P4HA1: variants seen among roughly 807,000 people sequenced by gnomAD.
P4HA1 encodes prolyl 4-hydroxylase subunit alpha 1.
P4HA1 carries 24 observed loss-of-function variants against 72.8 expected under a neutral mutation model. The observed-to-expected ratio is 0.33, with a 90% CI of 0.24 to 0.46. The LOEUF is 0.46. Ranked by LOEUF, P4HA1 falls within the 20% of genes least tolerant of loss-of-function variation. The pLI is 1.00. For missense variants in P4HA1, 446 were observed against 640.6 expected (o/e 0.70, Z 3.28); for synonymous variants, 201 against 218.8 (o/e 0.92, Z 0.72).
chr10:73,037,927 G>A (rs1203252407), intron 9 of P4HA1, among the ~76,000 whole-genome samples: 2 of 151,502 alleles, frequency 1.3e-5, no homozygotes, highest in East Asian at 1.9e-4. Context: ...TAGTAACAAG[G>A]GTAAACAAAA....
At chr10:73,046,747 A>G (rs917567653) in intron 8 of P4HA1, among the ~76,000 whole-genome samples, 178 bp downstream of exon 8, 4 of 152,208 alleles carry the variant, frequency 2.6e-5, no homozygotes, top group Admixed American at 2.6e-4. Context: ...ACTTGTGTTG[A>G]TAACAAATGG....
At chr10:73,086,312 G>A (rs1338483650) in intron 1 of P4HA1, among the ~76,000 whole-genome samples, 1 of 152,220 alleles carries the variant, frequency 6.6e-6, no homozygotes, top group East Asian at 1.9e-4. Flanking sequence ...ACAAAGTGTG[G>A]TCTATCCGTA....
chr10:73,096,007 G>A (rs980042709), intron 1 of P4HA1, among the ~76,000 whole-genome samples: 2 of 152,212 alleles, frequency 1.3e-5, no homozygotes, highest in Non-Finnish European at 2.9e-5. Context: ...CAAATTCTCG[G>A]CAGAGAGAGA....
chr10:73,016,240 G>A (rs1435872634), intron 11 of P4HA1, among the ~76,000 whole-genome samples: 1 of 152,234 alleles, frequency 6.6e-6, no homozygotes, highest in Non-Finnish European at 1.5e-5. Context: ...AATCCTGTTA[G>A]GTCAGTTTAG....
At chr10:73,044,156 T>C (rs1452394829) in intron 9 of P4HA1, among the ~76,000 whole-genome samples, 1 of 152,160 alleles carries the variant, frequency 6.6e-6, no homozygotes, top group Non-Finnish European at 1.5e-5. Context: ...GAAAATGAGT[T>C]GACAGATTTT....
intron 12 of P4HA1, 38 bp from the exon 13 acceptor site, chr10:73,011,075 A>G (rs1377272821): frequency 6.7e-7 from 1 of 1,488,820 alleles, no homozygotes; most frequent in Non-Finnish European, 9.3e-7. Context: ...AAGTGCTGGT[A>G]GAATAAAGTA....
chr10:73,032,728 T>A (rs1435368135), intron 9 of P4HA1, among the ~76,000 whole-genome samples: 1 of 152,206 alleles, frequency 6.6e-6, no homozygotes, highest in Non-Finnish European at 1.5e-5. Flanking sequence ...CCTCTCCCGC[T>A]GCCAGACGAA....
chr10:73,077,784 C>G (rs2133143953), intron 1 of P4HA1, among the ~76,000 whole-genome samples: 1 of 150,414 alleles, frequency 6.6e-6, no homozygotes, highest in South Asian at 2.1e-4. Flanking sequence ...AGTTTGAGAC[C>G]AGGCCGGGCA....
chr10:73,010,337 A>G (rs1839887822), intron 13 of P4HA1, among the ~76,000 whole-genome samples: 1 of 152,138 alleles, frequency 6.6e-6, no homozygotes, highest in Admixed American at 6.5e-5. Flanking sequence ...TTCCTCTAAT[A>G]TAATTCTGAA....
At chr10:73,016,823 T>C in intron 11 of P4HA1, 23 bp downstream of exon 11, 1 of 1,562,592 alleles carries the variant, frequency 6.4e-7, no homozygotes, top group Non-Finnish European at 8.8e-7. Context: ...CTCAGTGAAT[T>C]TCTCCATTTC....
rs547571541 is a variant in P4HA1, at chr10:73,077,733, T to C, written c.-32-2818A>G. Among the ~76,000 whole-genome samples, 16 of 151,186 alleles carry C rather than the reference T, an allele frequency of 1.1e-4. 1 individual carries two copies. In the South Asian group the frequency reaches 2.5e-3, roughly 24 times the overall value. ...CAGTGGTTCACACCTGTAATCCCAG[T>C]ACTTTGGGAGGCCAAGGAAAGAGGA... On this transcript the variant is annotated intron_variant, in intron 1 of 14. Transcript: ENST00000394890.
chr10:73,018,687 A>G (rs1287630004), intron 10 of P4HA1, among the ~76,000 whole-genome samples: 1 of 151,958 alleles, frequency 6.6e-6, no homozygotes, highest in Non-Finnish European at 1.5e-5. Flanking sequence ...ACTAAGCCCT[A>G]TTGGCTCAGG....
intron 7 of P4HA1, 29 bp from the exon 8 acceptor site, chr10:73,047,130 T>G (rs202020267): frequency 2.8e-6 from 4 of 1,438,470 alleles, no homozygotes; most frequent in Non-Finnish European, 3.9e-6. Context: ...ATATGATGAA[T>G]ATATTACAGT....
At chr10:73,079,940 T>C (rs1049357102) in intron 1 of P4HA1, among the ~76,000 whole-genome samples, 1 of 152,070 alleles carries the variant, frequency 6.6e-6, no homozygotes, top group Non-Finnish European at 1.5e-5. Context: ...GGGATGGCCT[T>C]GTGAATGGTA....
At chr10:73,087,182 C>G (rs1482362415) in intron 1 of P4HA1, among the ~76,000 whole-genome samples, 1 of 151,350 alleles carries the variant, frequency 6.6e-6, no homozygotes, top group African/African-American at 2.4e-5. Context: ...CTCTTAATAT[C>G]TTAATTTTCA....
chr10:73,077,142 C>T (rs1273303183), intron 1 of P4HA1, among the ~76,000 whole-genome samples: 1 of 152,254 alleles, frequency 6.6e-6, no homozygotes, highest in African/African-American at 2.4e-5. Context: ...CCTGCCAAAG[C>T]ACAAGGCTTT....
At chr10:73,062,815 A>G (rs1334288791) in intron 5 of P4HA1, among the ~76,000 whole-genome samples, 1 of 152,214 alleles carries the variant, frequency 6.6e-6, no homozygotes, top group African/African-American at 2.4e-5. Context: ...TTTGCTAGTG[A>G]TCAGACATTT....
In P4HA1 at chr10:73,007,359, C is replaced by T. The variant is rs199907045; in HGVS notation, c.*863G>A. On this transcript the variant is annotated 3_prime_UTR_variant, in exon 15 of 15. Coordinates refer to ENST00000394890, the MANE Select transcript of P4HA1 (RefSeq NM_001017962.3). ...TCCCTCATCACTGAAAGGACTTGTACATTTTTAAACTTCCAGTCTCCTAAG... is the reference window on the plus strand; with the variant it reads ...TCCCTCATCACTGAAAGGACTTGTATATTTTTAAACTTCCAGTCTCCTAAG... 1.3e-5 allele frequency: 2 copies of T among 152,544 alleles called. No individual in the cohort carries two copies. The highest frequency in any genetic ancestry group is 1.9e-4 in the East Asian group (1 of 5,198). The allele number at this position is 152,544 out of a possible 1,614,324, so 9.4% of individuals were successfully genotyped here.
chr10:73,025,090 T>G (rs1840233690), intron 10 of P4HA1, among the ~76,000 whole-genome samples: 1 of 152,088 alleles, frequency 6.6e-6, no homozygotes, highest in Non-Finnish European at 1.5e-5. Context: ...CTGAAACTAT[T>G]CCAATCAACA....
Sources: allele counts gnomAD v4.1 joint callset (sites outside exome capture counted in the v4.1 genomes callset), GRCh38; gene constraint gnomAD v4.1.1; transcripts MANE v1.5; gene names NCBI Gene and HGNC (gene_info 2026-07-23, HGNC 2026-07-21).